The following GPHN variants were observed in gnomAD, a reference collection of about 807,000 sequenced individuals.
GPHN encodes the protein gephyrin.
GPHN carries 17 observed loss-of-function variants against 95.5 expected under a neutral mutation model. The observed-to-expected ratio is 0.18, with a 90% CI of 0.12 to 0.27. The LOEUF (loss-of-function observed/expected upper bound fraction) is 0.27. Ranked by LOEUF, GPHN falls within the 10% of genes least tolerant of loss-of-function variation. The probability of loss-of-function intolerance (pLI) is 1.00; values close to 1 mark genes in which losing one functional copy is unlikely to be tolerated. For missense variants in GPHN, 660 were observed against 978.1 expected (o/e 0.67, Z 4.34); for synonymous variants, 320 against 322.5 (o/e 0.99, Z 0.08).
At chr14:66,972,386 T>A (rs1239836356) in intron 9 of GPHN, among the ~76,000 whole-genome samples, 1 of 151,954 alleles carries the variant, frequency 6.6e-6, no homozygotes, top group East Asian at 1.9e-4. Context: ...TGAGAAAATG[T>A]ATACCAAACA....
At chr14:67,238,822 T>G in the GPHN span, among the ~76,000 whole-genome samples, 3 of 151,970 alleles carry the variant, frequency 2.0e-5, no homozygotes, top group Non-Finnish European at 4.4e-5. Flanking sequence ...TTTGTATTTT[T>G]TGTAGAGATG....
At chr14:66,830,854 G>A (rs914833100) in intron 4 of GPHN, among the ~76,000 whole-genome samples, 2 of 151,934 alleles carry the variant, frequency 1.3e-5, no homozygotes, top group Non-Finnish European at 2.9e-5. Context: ...TCATGAAAAT[G>A]TCAGTTTTCT....
At chr14:67,300,389 G>C in the GPHN span, among the ~76,000 whole-genome samples, 1 of 148,872 alleles carries the variant, frequency 6.7e-6, no homozygotes, top group East Asian at 2.0e-4. Context: ...ATGCAGTGGC[G>C]CCATCTCAGC....
the GPHN span, among the ~76,000 whole-genome samples, chr14:67,689,245 A>G: frequency 5.9e-5 from 9 of 152,342 alleles, no homozygotes; most frequent in Middle Eastern, 0.01. Context: ...ACAGATGTTC[A>G]TTTGGTAGGA....
At chr14:66,920,139 G>A (rs2066136084) in intron 6 of GPHN, among the ~76,000 whole-genome samples, 1 of 152,132 alleles carries the variant, frequency 6.6e-6, no homozygotes, top group Admixed American at 6.5e-5. Context: ...TAAGTGTTTG[G>A]CATGAATCAC....
intron 4 of GPHN, among the ~76,000 whole-genome samples, chr14:66,827,808 T>G (rs1320070984): frequency 1.3e-5 from 2 of 152,094 alleles, no homozygotes; most frequent in Non-Finnish European, 2.9e-5. Context: ...ATCAGAAATC[T>G]TGAATTTCTG....
At chr14:66,517,694 G>T (rs1360146656) in intron 1 of GPHN, among the ~76,000 whole-genome samples, 1 of 152,122 alleles carries the variant, frequency 6.6e-6, no homozygotes, top group African/African-American at 2.4e-5. Flanking sequence ...GCTGATGAAA[G>T]GACAGTATCT....
At chr14:67,403,926 CCTGT>C in the GPHN span, among the ~76,000 whole-genome samples, 8 of 152,194 alleles carry the variant, frequency 5.3e-5, no homozygotes, top group East Asian at 1.4e-3. Context: ...GTGGCACACT[CCTGT>C]AGTCTCAGCC....
chr14:67,223,039 G>A, the GPHN span, among the ~76,000 whole-genome samples: 13 of 121,076 alleles, frequency 1.1e-4, no homozygotes, highest in African/African-American at 3.2e-4. Flanking sequence ...TCCCTCTTTC[G>A]CCCAAGCCAG....
the GPHN span, among the ~76,000 whole-genome samples, chr14:67,532,102 G>A: frequency 6.6e-6 from 1 of 152,090 alleles, no homozygotes; most frequent in Non-Finnish European, 1.5e-5. Flanking sequence ...TTCAGCCATT[G>A]AAGTCCCATT....
the GPHN span, among the ~76,000 whole-genome samples, chr14:67,675,321 ACAAT>A: frequency 1.3e-5 from 2 of 152,076 alleles, no homozygotes; most frequent in African/African-American, 4.8e-5. Context: ...CAGCCTGGGC[ACAAT>A]AGCGAGAGCT....
the GPHN span, among the ~76,000 whole-genome samples, chr14:67,347,774 A>C: frequency 1.6e-4 from 24 of 152,160 alleles, no homozygotes; most frequent in African/African-American, 5.8e-4. Flanking sequence ...TGCTGGGATT[A>C]CAGGTATGAG....
At chr14:67,301,517 T>C in the GPHN span, 1 of 1,369,028 alleles carries the variant, frequency 7.3e-7, no homozygotes, top group Non-Finnish European at 1.0e-6. Context: ...CATTCTTCTA[T>C]TTTTTTAAAT....
intron 9 of GPHN, among the ~76,000 whole-genome samples, chr14:66,971,594 A>G (rs912037826): frequency 1.3e-5 from 2 of 152,126 alleles, no homozygotes; most frequent in African/African-American, 2.4e-5. Context: ...AGGAAGGACT[A>G]TATTGTTCAC....
chr14:67,297,850 A>G, the GPHN span, among the ~76,000 whole-genome samples: 1 of 152,222 alleles, frequency 6.6e-6, no homozygotes, highest in Non-Finnish European at 1.5e-5. Context: ...ATAAGATACA[A>G]TTCTATCTTC....
the GPHN span, chr14:67,271,474 A>C: frequency 6.6e-6 from 1 of 152,204 alleles, no homozygotes; most frequent in Non-Finnish European, 1.5e-5. Flanking sequence ...TAGTCTGATG[A>C]GATAGAAAGG....
chr14:67,658,109 T>G, the GPHN span, among the ~76,000 whole-genome samples: 1 of 152,096 alleles, frequency 6.6e-6, no homozygotes, highest in South Asian at 2.1e-4. Context: ...AACCACTGAA[T>G]GAGGTTCAAA....
chr14:67,634,155 CA>C, the GPHN span, among the ~76,000 whole-genome samples: 2 of 152,180 alleles, frequency 1.3e-5, no homozygotes, highest in African/African-American at 4.8e-5. Context: ...ATTCACATCA[CA>C]ACCCTTGATG....
At chr14:67,458,815 G>A in the GPHN span, among the ~76,000 whole-genome samples, 4 of 152,194 alleles carry the variant, frequency 2.6e-5, no homozygotes, top group African/African-American at 7.2e-5. Flanking sequence ...TCGATCTCCT[G>A]GGCTCAAGCC....
Sources: allele counts gnomAD v4.1 joint callset (sites outside exome capture counted in the v4.1 genomes callset), GRCh38; gene constraint gnomAD v4.1.1; transcripts MANE v1.5; gene names NCBI Gene and HGNC (gene_info 2026-07-23, HGNC 2026-07-21).